Variants in NBAS observed in about 807,000 individuals in gnomAD.
NBAS encodes the protein NBAS subunit of NRZ tethering complex.
In NBAS, 219 loss-of-function variants were observed where a neutral mutation model predicts 302.5. The ratio of observed to expected loss-of-function variants is 0.72; its 90% CI spans 0.65 to 0.81. NBAS has a LOEUF of 0.81. Ranked by LOEUF, NBAS falls within the 30% of genes least tolerant of loss-of-function variation. The pLI is 0.00. For missense variants in NBAS, 2,932 were observed against 2,841.6 expected, an observed-to-expected ratio of 1.03 and a Z score of -0.72; for synonymous variants, 1,118 against 1,021.6, an observed-to-expected ratio of 1.09 and a Z score of -1.80.
the NBAS span, among the ~76,000 whole-genome samples, chr2:14,947,601 T>G: frequency 6.6e-6 from 1 of 152,110 alleles, no homozygotes; most frequent in Non-Finnish European, 1.5e-5. Context: ...TTTGAATTCT[T>G]CCTTTTTAAT....
At chr2:15,509,603 A>G (rs1038522952) in intron 10 of NBAS, among the ~76,000 whole-genome samples, 2 of 152,246 alleles carry the variant, frequency 1.3e-5, no homozygotes, top group Non-Finnish European at 2.9e-5. Context: ...TATTATTGCT[A>G]AAGATTTCTT....
intron 6 of NBAS, among the ~76,000 whole-genome samples, chr2:15,544,864 A>G (rs755560447): frequency 2.0e-5 from 3 of 152,108 alleles, no homozygotes; most frequent in African/African-American, 7.2e-5. Flanking sequence ...TACAAAACTT[A>G]GCTGGGTATT....
the NBAS span, among the ~76,000 whole-genome samples, chr2:15,014,136 C>T: frequency 6.6e-5 from 10 of 152,034 alleles, no homozygotes; most frequent in Admixed American, 2.0e-4. Context: ...AACACTGAAC[C>T]ACACAGATAT....
chr2:15,541,309 C>T (rs1663805649), intron 6 of NBAS, among the ~76,000 whole-genome samples: 1 of 152,108 alleles, frequency 6.6e-6, no homozygotes, highest in Non-Finnish European at 1.5e-5. Context: ...TAATGTTTCA[C>T]TAACGAGTGA....
chr2:15,317,170 GGAAAA>G (rs1671553919), intron 38 of NBAS, among the ~76,000 whole-genome samples: 1 of 152,196 alleles, frequency 6.6e-6, no homozygotes, highest in African/African-American at 2.4e-5. Context: ...ACTCTTAGAA[GGAAAA>G]CTAACAAACA....
At chr2:14,918,873 T>C in the NBAS span, among the ~76,000 whole-genome samples, 2 of 151,294 alleles carry the variant, frequency 1.3e-5, no homozygotes, top group African/African-American at 2.4e-5. Context: ...AGAGGCAGAG[T>C]TGACATAGTG....
At chr2:14,966,528 T>C in the NBAS span, among the ~76,000 whole-genome samples, 1 of 152,170 alleles carries the variant, frequency 6.6e-6, no homozygotes, top group African/African-American at 2.4e-5. Context: ...AAGTTTCCCA[T>C]TCTGCAACTA....
At chr2:15,229,055 T>C (rs1425425436) in intron 47 of NBAS, among the ~76,000 whole-genome samples, 1 of 152,090 alleles carries the variant, frequency 6.6e-6, no homozygotes, top group Non-Finnish European at 1.5e-5. Flanking sequence ...CATTGAAACA[T>C]TACAGGTTGG....
At chr2:15,418,032 C>A (rs1426056747) in intron 23 of NBAS, among the ~76,000 whole-genome samples, 1 of 151,984 alleles carries the variant, frequency 6.6e-6, no homozygotes, top group African/African-American at 2.4e-5. Context: ...ATTATATTTA[C>A]ATAATAAGAG....
chr2:15,273,673 C>G (rs61256505), intron 44 of NBAS, among the ~76,000 whole-genome samples: 1 of 152,142 alleles, frequency 6.6e-6, no homozygotes, highest in Non-Finnish European at 1.5e-5. Context: ...AAGAGAGATA[C>G]CTGAAGCTAA....
rs971136920 is a variant in NBAS at position 15,387,142 on chromosome 2, A to G, written c.3258-3825T>C. Among the ~76,000 whole-genome samples, 13 of 149,628 alleles carry G rather than the reference A, an allele frequency of 8.7e-5. No homozygotes were observed. The East Asian group carries it at 1.9e-3, about 22-fold the overall frequency. Reference sequence around the variant, plus strand: ...GAGAGCAGTGGTGCAATCTCAGCTCATTGCAAGCTCTGCCTCCCGGGTTCA... The same window carrying G: ...GAGAGCAGTGGTGCAATCTCAGCTCGTTGCAAGCTCTGCCTCCCGGGTTCA... On this transcript the variant is annotated intron_variant, in intron 28 of 51. Coordinates refer to ENST00000281513, the MANE Select transcript of NBAS (RefSeq NM_015909.4).
the NBAS span, among the ~76,000 whole-genome samples, chr2:15,045,358 G>A: frequency 6.6e-6 from 1 of 152,192 alleles, no homozygotes; most frequent in Non-Finnish European, 1.5e-5. Context: ...ACATGTTTGG[G>A]CAGTAACTTT....
chr2:15,035,610 C>T, the NBAS span, among the ~76,000 whole-genome samples: 2 of 152,040 alleles, frequency 1.3e-5, no homozygotes, highest in Non-Finnish European at 2.9e-5. Flanking sequence ...CAATGAGAGA[C>T]CGGATAAAGA....
chr2:15,003,775 G>T, the NBAS span, among the ~76,000 whole-genome samples: 1,412 of 152,274 alleles, frequency 9.3e-3, 26 homozygotes, highest in South Asian at 0.032. Flanking sequence ...CCAACCAGGG[G>T]CAAAATATTT....
chr2:15,463,304 C>T (rs1352027726), intron 19 of NBAS, among the ~76,000 whole-genome samples: 4 of 152,160 alleles, frequency 2.6e-5, no homozygotes, highest in Admixed American at 6.5e-5. Flanking sequence ...CTTGATTCCT[C>T]ATGCATGACA....
chr2:15,126,188 C>A, the NBAS span, among the ~76,000 whole-genome samples: 1 of 152,206 alleles, frequency 6.6e-6, no homozygotes, highest in African/African-American at 2.4e-5. Context: ...TCCCCTCTCT[C>A]TATTTCTCAC....
intron 39 of NBAS, among the ~76,000 whole-genome samples, chr2:15,308,563 G>A (rs1352561502): frequency 6.6e-6 from 1 of 152,094 alleles, no homozygotes; most frequent in African/African-American, 2.4e-5. Context: ...TGTAAAGATC[G>A]ACATTTAAGC....
downstream of NBAS, among the ~76,000 whole-genome samples, chr2:15,163,955 C>A (rs542729963): frequency 7.2e-5 from 11 of 152,252 alleles, no homozygotes; most frequent in East Asian, 1.9e-3. Flanking sequence ...CGCCACCACG[C>A]CTGGCTAATT....
chr2:15,511,278 G>A lies in NBAS; in HGVS notation c.819C>T (p.Ala273=). 1.2e-6 allele frequency: 2 copies of A among 1,614,020 alleles called. No homozygotes were observed. The highest frequency in any genetic ancestry group is 1.7e-6 in the Non-Finnish European group (2 of 1,179,964). The change falls in exon 10 of 52, where the codon GCC becomes GCT. Residue 273 remains alanine (A), a synonymous_variant. Transcript: ENST00000281513. ...ACGGTGATCCTGAAAGAACTCTCCA[G>A]GCAGAAAGGCCACAGCTAGAAGCTT... ...MSKASSCGLS[A]WRVLSGSPYY...
Sources: allele counts gnomAD v4.1 joint callset (sites outside exome capture counted in the v4.1 genomes callset), GRCh38; gene constraint gnomAD v4.1.1; transcripts MANE v1.5; gene names NCBI Gene and HGNC (gene_info 2026-07-23, HGNC 2026-07-21).